Variants in STIMATE observed in about 807,000 individuals in gnomAD.
STIMATE encodes STIM activating enhancer, also known as store-operated calcium entry regulator STIMATE.
Under a neutral mutation model 36.7 loss-of-function variants are expected in STIMATE, and 15 were observed. That is an observed-to-expected ratio of 0.41 (90% CI 0.27 to 0.63). STIMATE has a LOEUF of 0.63. Ranked by LOEUF, STIMATE falls within the 20% of genes least tolerant of loss-of-function variation. STIMATE has a pLI of 0.32. For synonymous variants in STIMATE, 163 were observed against 162.3 expected, an observed-to-expected ratio of 1.00 and a Z score of -0.03; for missense variants, 305 against 397.3, an observed-to-expected ratio of 0.77 and a Z score of 1.98.
At chr3:52,841,770 G>C (rs1049141650) in intron 7 of STIMATE, 85 of 152,402 alleles carry the variant, frequency 5.6e-4, no homozygotes, top group African/African-American at 1.9e-3. Flanking sequence ...CTCACTTCTT[G>C]TCCTTCTGTC....
chr3:52,872,506 C>A (rs1019903698), intron 1 of STIMATE, among the ~76,000 whole-genome samples: 7 of 152,340 alleles, frequency 4.6e-5, no homozygotes, highest in Middle Eastern at 3.4e-3. Flanking sequence ...AAGCTGTACG[C>A]AAGACTGTCA....
chr3:52,872,165 T>C (rs1051838402), intron 1 of STIMATE, among the ~76,000 whole-genome samples: 1 of 152,128 alleles, frequency 6.6e-6, no homozygotes, highest in African/African-American at 2.4e-5. Context: ...CTTCATAGCA[T>C]TAATCTCAGA....
At chr3:52,846,611 C>T (rs1339296863) in intron 4 of STIMATE, 1 of 152,240 alleles carries the variant, frequency 6.6e-6, no homozygotes, top group African/African-American at 2.4e-5. Context: ...ATACGCCTCA[C>T]ATTGCCCCAG....
At chr3:52,884,681 CT>C (rs1373268928) in intron 1 of STIMATE, among the ~76,000 whole-genome samples, 1 of 152,206 alleles carries the variant, frequency 6.6e-6, no homozygotes, top group African/African-American at 2.4e-5. Flanking sequence ...TTCCTTTTAT[CT>C]GGCTTCTTTT....
chr3:52,842,372 G>A (rs1700812837), intron 7 of STIMATE, among the ~76,000 whole-genome samples: 1 of 152,220 alleles, frequency 6.6e-6, no homozygotes, highest in Non-Finnish European at 1.5e-5. Context: ...TGCAAGGTCT[G>A]GCTACCCCTA....
At chr3:52,872,814 T>G (rs1256895397) in intron 1 of STIMATE, among the ~76,000 whole-genome samples, 1 of 152,084 alleles carries the variant, frequency 6.6e-6, no homozygotes, top group African/African-American at 2.4e-5. Flanking sequence ...TTAGTAGAGA[T>G]GGGGTTTCAC....
chr3:52,890,506 T>C (rs945123806), intron 1 of STIMATE, among the ~76,000 whole-genome samples: 5 of 152,212 alleles, frequency 3.3e-5, no homozygotes, highest in African/African-American at 7.2e-5. Flanking sequence ...ATTTAGTGGG[T>C]AGAGGCAGGC....
At chr3:52,856,695 A>T (rs1198022413) in intron 1 of STIMATE, among the ~76,000 whole-genome samples, 1 of 151,696 alleles carries the variant, frequency 6.6e-6, no homozygotes, top group Non-Finnish European at 1.5e-5. Context: ...AAAAAAAGAA[A>T]AGAAAAGAAA....
chr3:52,853,069 G>A (rs1045386321), intron 2 of STIMATE, among the ~76,000 whole-genome samples: 9 of 152,108 alleles, frequency 5.9e-5, no homozygotes, highest in Admixed American at 1.3e-4. Flanking sequence ...TTAACAAGAC[G>A]TGCACAAATC....
chr3:52,849,773 G>T lies in STIMATE; in HGVS notation c.427+19C>A, dbSNP rs772272793. On this transcript the variant is annotated intron_variant, in intron 4 of 7. Coordinates refer to ENST00000355083, the MANE Select transcript of STIMATE (RefSeq NM_198563.5). ...CCAGCAGTTCCCTCACGCCCTGTCC[G>T]GCATCCACAGCATATTACCATATTC... The T allele has an allele frequency of 6.8e-6, 11 of 1,608,288 alleles. No homozygotes were observed. Among genetic ancestry groups the T allele is most frequent in the Non-Finnish European group, 9.3e-6 (11 of 1,178,492 alleles).
intron 1 of STIMATE, among the ~76,000 whole-genome samples, chr3:52,863,513 G>A (rs1019671704): frequency 6.6e-6 from 1 of 152,128 alleles, no homozygotes; most frequent in Non-Finnish European, 1.5e-5. Flanking sequence ...TTTGGGTGGG[G>A]ACACAGAGCC....
intron 1 of STIMATE, among the ~76,000 whole-genome samples, chr3:52,880,668 C>G (rs1050189696): frequency 6.6e-6 from 1 of 152,176 alleles, no homozygotes; most frequent in Admixed American, 6.5e-5. Flanking sequence ...GATCCATCAA[C>G]TGCCTCCTTA....
intron 4 of STIMATE, among the ~76,000 whole-genome samples, chr3:52,848,857 A>G (rs1457858112): frequency 6.6e-6 from 1 of 152,222 alleles, no homozygotes; most frequent in Non-Finnish European, 1.5e-5. Flanking sequence ...TCAGTGACTC[A>G]TCAGGCATCA....
At chr3:52,849,561 T>A (rs1437027772) in intron 4 of STIMATE, among the ~76,000 whole-genome samples, 1 of 152,180 alleles carries the variant, frequency 6.6e-6, no homozygotes, top group Non-Finnish European at 1.5e-5. Flanking sequence ...TAGTGTCTCC[T>A]GCCTCCTGCC....
chr3:52,878,931 T>G (rs968518879), intron 1 of STIMATE, among the ~76,000 whole-genome samples: 4 of 152,324 alleles, frequency 2.6e-5, no homozygotes, highest in African/African-American at 9.6e-5. Context: ...GCAGTGCAAG[T>G]GCACGGATGT....
At chr3:52,887,282 C>G (rs1229719494) in intron 1 of STIMATE, among the ~76,000 whole-genome samples, 1 of 152,204 alleles carries the variant, frequency 6.6e-6, no homozygotes. Flanking sequence ...TTCCACCTCC[C>G]AAGATCTCAC....
intron 7 of STIMATE, among the ~76,000 whole-genome samples, chr3:52,842,603 A>C (rs1453515501): frequency 2.6e-5 from 4 of 152,188 alleles, no homozygotes; most frequent in African/African-American, 9.7e-5. Flanking sequence ...CTCCTGCCCT[A>C]GGCAGGCCCA....
chr3:52,855,751 G>A (rs956821423), intron 1 of STIMATE, among the ~76,000 whole-genome samples: 19 of 152,292 alleles, frequency 1.2e-4, no homozygotes, highest in South Asian at 6.2e-4. Context: ...ATGACAAAGC[G>A]GAACGCAGCT....
intron 1 of STIMATE, among the ~76,000 whole-genome samples, chr3:52,866,327 G>C (rs1334804243): frequency 1.3e-5 from 2 of 152,248 alleles, no homozygotes; most frequent in Non-Finnish European, 2.9e-5. Context: ...CACCCATCAG[G>C]CCACTTGGGT....
Sources: allele counts gnomAD v4.1 joint callset (sites outside exome capture counted in the v4.1 genomes callset), GRCh38; gene constraint gnomAD v4.1.1; transcripts MANE v1.5; gene names NCBI Gene and HGNC (gene_info 2026-07-23, HGNC 2026-07-21).